TBC1D23: variants seen among roughly 807,000 people sequenced by gnomAD.
The protein encoded by TBC1D23 is HCV non-structural protein 4A-transactivated protein 1.
TBC1D23 carries 55 observed loss-of-function variants against 91.4 expected under a neutral mutation model. That is an observed-to-expected ratio of 0.60 (90% confidence interval 0.48 to 0.75). The LOEUF (loss-of-function observed/expected upper bound fraction) is 0.75. TBC1D23 is among the 30% of genes least tolerant of loss of function. The probability of loss-of-function intolerance (pLI) is 0.00; values close to 1 mark genes in which losing one functional copy is unlikely to be tolerated. For missense variants in TBC1D23, 725 were observed against 836.1 expected, an observed-to-expected ratio of 0.87 and a Z score of 1.64; for synonymous variants, 289 against 281.0, an observed-to-expected ratio of 1.03 and a Z score of -0.28.
At chr3:100,273,313 G>A (rs2067616612) in intron 1 of TBC1D23, among the ~76,000 whole-genome samples, 1 of 151,064 alleles carries the variant, frequency 6.6e-6, no homozygotes, top group Admixed American at 6.6e-5. Context: ...CATGTCTTGG[G>A]GGTAAGGTTA....
chr3:100,313,773 C>T (rs1352225404), intron 15 of TBC1D23, among the ~76,000 whole-genome samples: 1 of 152,108 alleles, frequency 6.6e-6, no homozygotes, highest in East Asian at 1.9e-4. Flanking sequence ...GGCATCAAAG[C>T]ATTTTTAGAT....
chr3:100,261,585 T>C (rs1330505644), intron 1 of TBC1D23: 1 of 153,024 alleles, frequency 6.5e-6, no homozygotes, highest in Non-Finnish European at 1.5e-5. Flanking sequence ...TCGTTTTGCA[T>C]TCCAACAGTT....
intron 13 of TBC1D23, among the ~76,000 whole-genome samples, chr3:100,306,994 A>G (rs1242835831): frequency 3.9e-5 from 6 of 152,206 alleles, no homozygotes; most frequent in Non-Finnish European, 8.8e-5. Flanking sequence ...ACCCATCCCC[A>G]TCACAGACTT....
In TBC1D23 at chr3:100,261,051, A is replaced by G; in HGVS notation, c.33A>G (p.Pro11=). The change falls in exon 1 of 19, where the codon CCA becomes CCG. Residue 11 remains proline (P), a synonymous_variant. Coordinates refer to ENST00000394144, the MANE Select transcript of TBC1D23 (RefSeq NM_001199198.3). ...AAGGAGAAGATGTGCCGCCGCTGCC[A>G]ACGTCGAGCGGCGACGGCTGGTGAG... is the stretch of plus-strand genomic sequence containing the variant. MAEGEDVPPL[P]TSSGDGWEKD... is the part of the protein sequence containing the mutation. 6.2e-7 allele frequency: 1 copy of G among 1,613,998 alleles called. No individual in the cohort carries two copies. The highest frequency in any genetic ancestry group is 8.5e-7 in the Non-Finnish European group (1 of 1,179,850).
rs939756603 is a variant in TBC1D23, at chr3:100,295,127, C to T, written c.641C>T (p.Thr214Ile). The T allele has an allele frequency of 1.9e-6, 3 of 1,604,502 alleles. No homozygotes were observed. Among genetic ancestry groups the T allele is most frequent in the Non-Finnish European group, 2.5e-6 (3 of 1,177,286 alleles). ...LFACYCSTEVTQAIWDGYLQQ... is the reference protein window; with the variant it reads ...LFACYCSTEVIQAIWDGYLQQ... ...GCATGTTACTGTTCCACTGAAGTCA[C>T]TCAGGCAATATGGGATGGATATCTA... The change falls in exon 6 of 19, where the codon ACT (threonine) becomes ATT (isoleucine). Residue 214 changes from threonine to isoleucine, a missense_variant. Physicochemically the swap from Thr to Ile is moderately conservative, Grantham distance 89 (BLOSUM62 -1). Transcript: ENST00000394144.
rs1439410708 is a variant in TBC1D23, at chr3:100,325,047, C to A, written c.*1379C>A. The A allele has an allele frequency of 6.6e-6, 1 of 152,184 alleles. No homozygotes were observed. Among genetic ancestry groups the A allele is most frequent in the Non-Finnish European group, 1.5e-5 (1 of 68,026 alleles). 9.4% of individuals were successfully genotyped at this position (152,184 alleles called of 1,614,324 possible). ...CATGAAATTGCACCTAGGTGCATTA[C>A]TTGATATAACTCTCCCCTAAAACTG... On this transcript the variant is annotated 3_prime_UTR_variant, in exon 19 of 19. Coordinates refer to ENST00000394144, the MANE Select transcript of TBC1D23 (RefSeq NM_001199198.3).
intron 4 of TBC1D23, 23 bp from the exon 5 acceptor site, chr3:100,290,555 A>T: frequency 1.2e-6 from 2 of 1,610,804 alleles, no homozygotes; most frequent in Non-Finnish European, 1.7e-6. Context: ...ATGCAAAAAA[A>T]TTTTGCTTCT....
At chr3:100,304,931 A>G in intron 12 of TBC1D23, 43 bp downstream of exon 12, 2 of 1,087,036 alleles carry the variant, frequency 1.8e-6, no homozygotes, top group Admixed American at 3.5e-5. Context: ...ATGTTTCAGA[A>G]GAAATTGTAT....
At chr3:100,270,971 T>C (rs943069483) in intron 1 of TBC1D23, among the ~76,000 whole-genome samples, 1 of 152,322 alleles carries the variant, frequency 6.6e-6, no homozygotes, top group Admixed American at 6.5e-5. Context: ...TAAAAACTGC[T>C]AGTCTTCATT....
intron 1 of TBC1D23, among the ~76,000 whole-genome samples, chr3:100,272,242 GAC>G (rs148608924): frequency 0.015 from 2,249 of 152,268 alleles, 56 homozygotes; most frequent in African/African-American, 0.052. Context: ...ACTAAAATGA[GAC>G]AGATAAAGTA....
chr3:100,273,905 A>G (rs1161608976), intron 1 of TBC1D23, among the ~76,000 whole-genome samples: 1 of 152,182 alleles, frequency 6.6e-6, no homozygotes, highest in Non-Finnish European at 1.5e-5. Context: ...CCCATAATAA[A>G]ACCCAGGGAA....
intron 14 of TBC1D23, among the ~76,000 whole-genome samples, 190 bp downstream of exon 14, chr3:100,310,732 C>G (rs1172489511): frequency 6.6e-6 from 1 of 152,204 alleles, no homozygotes; most frequent in Non-Finnish European, 1.5e-5. Flanking sequence ...ATTATTCTCT[C>G]TTACTACTCA....
Position 100,290,665 on chromosome 3 carries a change from A to G in TBC1D23, c.564A>G (p.Thr188=). The change falls in exon 5 of 19, where the codon ACA becomes ACG. Residue 188 remains threonine, a synonymous_variant. Transcript: ENST00000394144. The part of the protein sequence containing the change: ...HEPELCSYLD[T]KKITPDSYAL... ...CTGAGCTTTGTTCTTATCTTGATAC[A>G]AAGAAAATTACTCCAGACTCCTATG... 6.2e-7 allele frequency: 1 copy of G among 1,613,296 alleles called. No individual in the cohort carries two copies. The highest frequency in any genetic ancestry group is 8.5e-7 in the Non-Finnish European group (1 of 1,179,430).
At position 100,325,078 on chromosome 3, in the gene TBC1D23, A is replaced by G. The variant is rs1382310046; in HGVS notation, c.*1410A>G. 6.6e-6 allele frequency: 1 copy of G among 152,210 alleles called. No individual in the cohort carries two copies. Among genetic ancestry groups the G allele is most frequent in the Non-Finnish European group, 1.5e-5 (1 of 68,032 alleles). 9.4% of individuals were successfully genotyped at this position (152,210 alleles called of 1,614,324 possible). On this transcript the variant is annotated 3_prime_UTR_variant, in exon 19 of 19. Coordinates refer to ENST00000394144, the MANE Select transcript of TBC1D23 (RefSeq NM_001199198.3). ...ATAACTCTCCCCTAAAACTGTTGTAATTGCATTTTTTCCCTTTTCTTGGCA... is the reference window on the plus strand; with the variant it reads ...ATAACTCTCCCCTAAAACTGTTGTAGTTGCATTTTTTCCCTTTTCTTGGCA...
intron 2 of TBC1D23, among the ~76,000 whole-genome samples, 186 bp downstream of exon 2, chr3:100,279,946 G>T (rs1425033873): frequency 6.6e-6 from 1 of 152,098 alleles, no homozygotes; most frequent in Non-Finnish European, 1.5e-5. Context: ...AACAATAATG[G>T]CTTAGATTTT....
chr3:100,292,703 G>A (rs1576171101), intron 5 of TBC1D23, among the ~76,000 whole-genome samples: 2 of 151,682 alleles, frequency 1.3e-5, no homozygotes, highest in Admixed American at 6.6e-5. Context: ...GGGCTCAAGT[G>A]ATTCTCCCAC....
intron 1 of TBC1D23, among the ~76,000 whole-genome samples, chr3:100,262,107 A>G (rs1008766982): frequency 6.6e-6 from 1 of 152,242 alleles, no homozygotes; most frequent in Non-Finnish European, 1.5e-5. Flanking sequence ...GCAGACATCA[A>G]ACATTACCGT....
chr3:100,306,564 T>C (rs1198678018), intron 13 of TBC1D23, 21 bp downstream of exon 13: 12 of 1,433,584 alleles, frequency 8.4e-6, no homozygotes, highest in East Asian at 2.3e-5. Context: ...GTAGAGAATA[T>C]GTTACCGGAT....
At chr3:100,301,226 T>C (rs1331331203) in intron 10 of TBC1D23, among the ~76,000 whole-genome samples, 1 of 139,652 alleles carries the variant, frequency 7.2e-6, no homozygotes, top group Non-Finnish European at 1.5e-5. Context: ...TGAGCCGAGA[T>C]CGCACCAGTG....
Sources: allele counts gnomAD v4.1 joint callset (sites outside exome capture counted in the v4.1 genomes callset), GRCh38; gene constraint gnomAD v4.1.1; transcripts MANE v1.5; gene names NCBI Gene and HGNC (gene_info 2026-07-23, HGNC 2026-07-21).